Variants in SPPL3 observed in about 807,000 individuals in gnomAD.
SPPL3 encodes signal peptide peptidase like 3.
Under a neutral mutation model 42.4 loss-of-function variants are expected in SPPL3, and 5 were observed. The observed-to-expected ratio is 0.12, with a 90% CI of 0.06 to 0.25. SPPL3 has a LOEUF of 0.25. SPPL3 is among the 10% of genes least tolerant of loss of function. The pLI is 1.00. For missense variants in SPPL3, 235 were observed against 489.0 expected, an observed-to-expected ratio of 0.48 and a Z score of 4.90; for synonymous variants, 195 against 181.8, an observed-to-expected ratio of 1.07 and a Z score of -0.58.
At chr12:120,903,782 G>T in intron 1 of SPPL3, 63 bp downstream of exon 1, 4 of 1,336,110 alleles carry the variant, frequency 3.0e-6, no homozygotes, top group Non-Finnish European at 3.9e-6. Flanking sequence ...CCCTCGGCGG[G>T]CCGCGCCGGC....
chr12:120,883,900 A>G (rs1426586750), intron 1 of SPPL3, among the ~76,000 whole-genome samples: 1 of 151,584 alleles, frequency 6.6e-6, no homozygotes, highest in Non-Finnish European at 1.5e-5. Flanking sequence ...TTGGGAGTTC[A>G]AGACCAGCCT....
In SPPL3 at chr12:120,766,356, A is replaced by G; in HGVS notation, c.990T>C (p.Thr330=). 1.3e-6 allele frequency: 2 copies of G among 1,590,874 alleles called. No individual in the cohort carries two copies. The highest frequency in any genetic ancestry group is 2.3e-5 in the East Asian group (1 of 44,148). The stretch of plus-strand genomic sequence containing the variant: ...CGGCCCGGTGAATGCGAGACGCCAC[A>G]GTAGCAGTGAGCAGGCCTGTGAGGA... ...IGYFVGLLTA[T]VASRIHRAAQ... Residue 330 remains threonine, a synonymous_variant, in exon 10 of 11, where the codon ACT becomes ACC. Transcript: ENST00000353487.
At chr12:120,786,106 C>T (rs1344838017) in intron 3 of SPPL3, among the ~76,000 whole-genome samples, 2 of 152,078 alleles carry the variant, frequency 1.3e-5, no homozygotes, top group Non-Finnish European at 2.9e-5. Flanking sequence ...AAACAAAATG[C>T]TTCTCAGGGA....
intron 1 of SPPL3, among the ~76,000 whole-genome samples, chr12:120,831,387 C>G (rs760959525): frequency 2.0e-5 from 3 of 152,116 alleles, no homozygotes; most frequent in Non-Finnish European, 4.4e-5. Flanking sequence ...AGCACTCACC[C>G]CAAATTAAGC....
At chr12:120,855,303 T>A (rs1352772188) in intron 1 of SPPL3, among the ~76,000 whole-genome samples, 1 of 152,144 alleles carries the variant, frequency 6.6e-6, no homozygotes. Context: ...CTGACAAATG[T>A]ATAAAAAACA....
intron 10 of SPPL3, among the ~76,000 whole-genome samples, chr12:120,765,665 T>C (rs1452916669): frequency 6.6e-6 from 1 of 151,954 alleles, no homozygotes; most frequent in African/African-American, 2.4e-5. Context: ...AATAACCCAC[T>C]ATTTTTAGGA....
intron 7 of SPPL3, 121 bp downstream of exon 7, chr12:120,768,832 G>A (rs1156590964): frequency 1.2e-6 from 1 of 813,750 alleles, no homozygotes; most frequent in African/African-American, 1.7e-5. Flanking sequence ...AAGGACTGGA[G>A]AGAGAGTGAT....
chr12:120,823,948 G>C (rs1287209018), intron 1 of SPPL3, among the ~76,000 whole-genome samples: 1 of 151,098 alleles, frequency 6.6e-6, no homozygotes, highest in Non-Finnish European at 1.5e-5. Flanking sequence ...TCAGCTCACT[G>C]CAAGCTCCGC....
chr12:120,835,945 G>A (rs1871605846), intron 1 of SPPL3, among the ~76,000 whole-genome samples: 2 of 152,114 alleles, frequency 1.3e-5, no homozygotes, highest in Admixed American at 1.3e-4. Flanking sequence ...TATCTGAAAT[G>A]GGCATTAGCA....
chr12:120,812,003 G>T (rs1870697896), intron 1 of SPPL3, among the ~76,000 whole-genome samples: 1 of 151,700 alleles, frequency 6.6e-6, no homozygotes, highest in Admixed American at 6.6e-5. Context: ...GAGAGACACA[G>T]GACACAATAA....
rs1476268905 is a variant in SPPL3, at chr12:120,845,412, T to C, written c.24-34526A>G. Reference sequence around the variant, plus strand: ...AAATCAGGCCTGTGTGTTCTGGAAGTAGTGGCACCACAGAGGCCGGATCTT... The same window carrying C: ...AAATCAGGCCTGTGTGTTCTGGAAGCAGTGGCACCACAGAGGCCGGATCTT... On this transcript the variant is annotated intron_variant, in intron 1 of 10. Transcript: ENST00000353487. 1.0e-5 allele frequency: 4 copies of C among 388,064 alleles called. 1 individual carries two copies. Among genetic ancestry groups the C allele is most frequent in the African/African-American group, 2.1e-5 (1 of 46,856 alleles). 24.0% of individuals were successfully genotyped at this position (388,064 alleles called of 1,614,324 possible). A position where few individuals can be genotyped will look rare whatever the true frequency, so the allele number is the denominator to read the frequency against.
At chr12:120,839,102 C>T (rs1382603910) in intron 1 of SPPL3, among the ~76,000 whole-genome samples, 1 of 151,814 alleles carries the variant, frequency 6.6e-6, no homozygotes, top group African/African-American at 2.4e-5. Context: ...AGACTTGGAA[C>T]CAACCCAAAT....
At chr12:120,881,607 A>G (rs1005573180) in intron 1 of SPPL3, among the ~76,000 whole-genome samples, 2 of 150,850 alleles carry the variant, frequency 1.3e-5, no homozygotes, top group African/African-American at 4.9e-5. Flanking sequence ...TTGTACACCA[A>G]TATTCATTGT....
intron 1 of SPPL3, among the ~76,000 whole-genome samples, chr12:120,900,046 G>C (rs1025378378): frequency 1.3e-5 from 2 of 152,042 alleles, no homozygotes; most frequent in Non-Finnish European, 2.9e-5. Flanking sequence ...AAAGGGCCTT[G>C]TTGAAAAAAC....
chr12:120,832,808 C>T (rs1871471977), intron 1 of SPPL3, among the ~76,000 whole-genome samples: 1 of 152,168 alleles, frequency 6.6e-6, no homozygotes, highest in Non-Finnish European at 1.5e-5. Context: ...TGTTTCCATA[C>T]TGTAGTTTAA....
At chr12:120,786,137 A>G (rs955442234) in intron 3 of SPPL3, among the ~76,000 whole-genome samples, 1 of 152,198 alleles carries the variant, frequency 6.6e-6, no homozygotes, top group Non-Finnish European at 1.5e-5. Context: ...GAGTGAAGTA[A>G]TTCACTTAGG....
At chr12:120,833,052 T>C (rs1007248448) in intron 1 of SPPL3, among the ~76,000 whole-genome samples, 5 of 152,148 alleles carry the variant, frequency 3.3e-5, no homozygotes, top group African/African-American at 9.7e-5. Flanking sequence ...TAAAGGAACA[T>C]AAGCACTATA....
intron 1 of SPPL3, among the ~76,000 whole-genome samples, chr12:120,874,655 G>A (rs1295644382): frequency 2.6e-5 from 4 of 152,024 alleles, no homozygotes; most frequent in Non-Finnish European, 5.9e-5. Context: ...CTTCCAATAT[G>A]GCATCAATAT....
intron 1 of SPPL3, among the ~76,000 whole-genome samples, chr12:120,820,279 T>C (rs1272834393): frequency 1.3e-5 from 2 of 151,580 alleles, no homozygotes; most frequent in African/African-American, 2.4e-5. Flanking sequence ...TATGTTGAAA[T>C]AGGACTTAAT....
Sources: gnomAD v4.1 joint callset for allele counts (sites outside exome capture counted in the v4.1 genomes callset) on GRCh38, gnomAD v4.1.1 for gene constraint, MANE v1.5 for transcripts, NCBI Gene and HGNC (gene_info 2026-07-23, HGNC 2026-07-21) for gene names.